Variants in AADAT observed in about 807,000 individuals in gnomAD.
AADAT encodes the protein kynurenine/alpha-aminoadipate aminotransferase, mitochondrial.
AADAT carries 25 observed loss-of-function variants against 56.2 expected under a neutral mutation model. The ratio of observed to expected loss-of-function variants is 0.44; its 90% CI spans 0.32 to 0.62. AADAT has a LOEUF of 0.62. AADAT is among the 20% of genes least tolerant of loss of function. AADAT has a pLI of 0.04. For synonymous variants in AADAT, 173 were observed against 164.7 expected (o/e 1.05, Z -0.39); for missense variants, 387 against 510.5 (o/e 0.76, Z 2.33).
At position 170,088,565 on chromosome 4, in the gene AADAT, C is replaced by T. The variant is rs1302550638; in HGVS notation, c.68-1G>A. The T allele has an allele frequency of 1.2e-6, 2 of 1,602,816 alleles. No homozygotes were observed. Among genetic ancestry groups the T allele is most frequent in the Non-Finnish European group, 8.5e-7 (1 of 1,171,046 alleles). Reference sequence around the variant, plus strand: ...TTTGGTCCTCTGCTCAATATGTCAGCTACAATACACATGGAAGAGAAGAAA... The same window carrying T: ...TTTGGTCCTCTGCTCAATATGTCAGTTACAATACACATGGAAGAGAAGAAA... On this transcript the variant is annotated splice_acceptor_variant, in intron 1 of 12. Coordinates refer to ENST00000337664, the MANE Select transcript of AADAT (RefSeq NM_016228.4). LOFTEE classifies it high-confidence loss of function.
At chr4:170,067,998 G>A (rs1731561379) in intron 8 of AADAT, among the ~76,000 whole-genome samples, 2 of 151,914 alleles carry the variant, frequency 1.3e-5, no homozygotes, top group African/African-American at 4.8e-5. Flanking sequence ...AATTAGCCGG[G>A]CATAGTGACG....
chr4:170,091,584 T>G (rs1393518722), upstream of AADAT: 1 of 153,356 alleles, frequency 6.5e-6, no homozygotes, highest in Non-Finnish European at 1.4e-5. Context: ...CAGCACCCGG[T>G]CCCATTTACC....
chr4:170,079,126 C>T (rs368362712), intron 3 of AADAT, among the ~76,000 whole-genome samples: 6 of 152,180 alleles, frequency 3.9e-5, no homozygotes, highest in South Asian at 2.1e-4. Flanking sequence ...AAATTAAAAA[C>T]GGTGGTGAGT....
rs956206413 is a variant in AADAT, at chr4:170,088,393, T to C, written c.236+3A>G. On this transcript the variant is annotated splice_donor_region_variant and intron_variant, in intron 2 of 12. Transcript: ENST00000337664. ...TAAAATTATGTTAAGTATTGATACT[T>C]ACCCAGCACTCGGAGAATACTGAAG... 2 of 1,589,822 alleles carry C rather than the reference T, an allele frequency of 1.3e-6. No individual in the cohort carries two copies. The highest frequency in any genetic ancestry group is 1.7e-6 in the Non-Finnish European group (2 of 1,161,212).
intron 3 of AADAT, among the ~76,000 whole-genome samples, chr4:170,082,929 A>C (rs924292920): frequency 4.0e-5 from 6 of 151,776 alleles, no homozygotes; most frequent in Non-Finnish European, 8.8e-5. Context: ...ATGGAATGTA[A>C]TACAATAATA....
intron 8 of AADAT, 99 bp from the exon 9 acceptor site, chr4:170,067,487 A>G: frequency 1.2e-6 from 1 of 832,582 alleles, no homozygotes; most frequent in Non-Finnish European, 2.0e-6. Flanking sequence ...TGTAAACCAC[A>G]ATAAGATATA....
intron 6 of AADAT, among the ~76,000 whole-genome samples, chr4:170,069,875 T>C (rs1215846125): frequency 6.6e-6 from 1 of 152,132 alleles, no homozygotes; most frequent in East Asian, 1.9e-4. Context: ...TCCAAGTATA[T>C]GTTCTTTGCA....
intron 3 of AADAT, among the ~76,000 whole-genome samples, chr4:170,083,466 C>G (rs1318262911): frequency 6.6e-6 from 1 of 152,052 alleles, no homozygotes; most frequent in Non-Finnish European, 1.5e-5. Flanking sequence ...TAATGCACTT[C>G]AAGGAACTAG....
chr4:170,078,502 T>C lies in AADAT; in HGVS notation c.444+7A>G. 6.3e-7 allele frequency: 1 copy of C among 1,580,482 alleles called. No individual in the cohort carries two copies. Among genetic ancestry groups the C allele is most frequent in the Non-Finnish European group, 8.7e-7 (1 of 1,154,718 alleles). On this transcript the variant is annotated splice_region_variant and intron_variant, in intron 4 of 12. Transcript: ENST00000337664. ...GAGAGTTGCCTTTAGTAAAAATGTA[T>C]ACTCACACTTTGAAGAGTTCCTGAA...
At chr4:170,070,205 C>G (rs1020037084) in intron 6 of AADAT, among the ~76,000 whole-genome samples, 14 of 152,054 alleles carry the variant, frequency 9.2e-5, no homozygotes, top group Admixed American at 8.5e-4. Flanking sequence ...CACCAAGACA[C>G]AGAAGTCAAC....
upstream of AADAT, among the ~76,000 whole-genome samples, chr4:170,092,244 T>C (rs1732878845): frequency 6.6e-6 from 1 of 152,270 alleles, no homozygotes; most frequent in Admixed American, 6.5e-5. Context: ...TGCTGCTGAC[T>C]CTTTGGGTCC....
chr4:170,069,574 C>T (rs959313495), intron 6 of AADAT, among the ~76,000 whole-genome samples: 1 of 152,110 alleles, frequency 6.6e-6, no homozygotes, highest in African/African-American at 2.4e-5. Context: ...TCAAGAAACA[C>T]TAGTTTGAAC....
At chr4:170,081,566 A>G (rs1387022668) in intron 3 of AADAT, among the ~76,000 whole-genome samples, 1 of 152,234 alleles carries the variant, frequency 6.6e-6, no homozygotes, top group Non-Finnish European at 1.5e-5. Flanking sequence ...ACAAGACAAA[A>G]GAAGAAAATA....
chr4:170,093,925 A>C (rs1165106131), upstream of AADAT, among the ~76,000 whole-genome samples: 4 of 152,202 alleles, frequency 2.6e-5, no homozygotes. Context: ...AAAATACGTA[A>C]TTAATTGATT....
chr4:170,061,578 T>C (rs758094330), intron 12 of AADAT, among the ~76,000 whole-genome samples: 2 of 152,206 alleles, frequency 1.3e-5, no homozygotes, highest in Non-Finnish European at 2.9e-5. Flanking sequence ...AATTTGTACT[T>C]CTGGCTCATG....
intron 3 of AADAT, among the ~76,000 whole-genome samples, 178 bp downstream of exon 3, chr4:170,086,938 C>T (rs1250284830): frequency 1.3e-5 from 2 of 151,822 alleles, no homozygotes; most frequent in African/African-American, 4.8e-5. Flanking sequence ...CCGGCCACAA[C>T]TGCTCCCACC....
chr4:170,061,114 C>A, intron 12 of AADAT, 145 bp from the exon 13 acceptor site: 1 of 520,406 alleles, frequency 1.9e-6, no homozygotes, highest in Non-Finnish European at 3.2e-6. Flanking sequence ...TCAACTTTAT[C>A]TGTGCAGGAT....
chr4:170,071,779 A>G (rs879724978), intron 5 of AADAT, among the ~76,000 whole-genome samples: 3 of 152,188 alleles, frequency 2.0e-5, no homozygotes, highest in Non-Finnish European at 4.4e-5. Context: ...AGTGATGACA[A>G]CAGAGAAAAA....
At chr4:170,069,311 C>CAGG (rs1731647825) in intron 6 of AADAT, 81 bp from the exon 7 acceptor site, 1 of 1,102,332 alleles carries the variant, frequency 9.1e-7, no homozygotes, top group Admixed American at 2.1e-5. Context: ...GAGAGTAGAA[C>CAGG]AGGAGATGGA....
Sources: allele counts gnomAD v4.1 joint callset (sites outside exome capture counted in the v4.1 genomes callset), GRCh38; gene constraint gnomAD v4.1.1; transcripts MANE v1.5; gene names NCBI Gene and HGNC (gene_info 2026-07-23, HGNC 2026-07-21).